The following VPS8 variants were observed in gnomAD, a reference collection of about 807,000 sequenced individuals.
The protein encoded by VPS8 is vacuolar protein sorting-associated protein 8 homolog.
VPS8 carries 129 observed loss-of-function variants against 216.4 expected under a neutral mutation model. The observed-to-expected ratio is 0.60, with a 90% CI of 0.52 to 0.69. The LOEUF is 0.69. Among genes scored for constraint, VPS8 ranks in the 30% least tolerant of loss-of-function variants. The probability of loss-of-function intolerance (pLI) is 0.00; values close to 1 mark genes in which losing one functional copy is unlikely to be tolerated. For synonymous variants in VPS8, 571 were observed against 565.4 expected, an observed-to-expected ratio of 1.01 and a Z score of -0.14; for missense variants, 1,531 against 1,683.5, an observed-to-expected ratio of 0.91 and a Z score of 1.59.
rs532730095 is a variant in VPS8, at chr3:184,850,132, T to C, written c.753+110T>C. ...CAGAGTCCAAAAAATGTATTTAACA[T>C]GAAGCTGAACATTACCTTATAAATA... On this transcript the variant is annotated intron_variant, in intron 10 of 47. Transcript: ENST00000625842. 1.9e-4 allele frequency: 153 copies of C among 821,048 alleles called. No individual in the cohort carries two copies. The African/African-American group carries it at 2.4e-3, about 13-fold the overall frequency. 50.9% of individuals were successfully genotyped at this position (821,048 alleles called of 1,614,324 possible). A position where few individuals can be genotyped will look rare whatever the true frequency, so the allele number is the denominator to read the frequency against.
Position 184,957,477 on chromosome 3 carries a change from A to ACT in VPS8, c.3142_3143dup (p.Gln1049CysfsTer40). 1.9e-6 allele frequency: 3 copies of ACT among 1,612,528 alleles called. No individual in the cohort carries two copies. Among genetic ancestry groups the ACT allele is most frequent in the Non-Finnish European group, 2.5e-6 (3 of 1,179,308 alleles). On this transcript the variant is annotated frameshift_variant, in exon 37 of 48. Transcript: ENST00000625842. LOFTEE classifies it high-confidence loss of function. ...GTTCAACCCAACCCAAGTTATAGAG[A>ACT]CTCTGCAAGTCCTTGAGTGCTACCG...
chr3:184,940,286 A>ATATG, intron 36 of VPS8, 43 bp downstream of exon 36: 1 of 803,586 alleles, frequency 1.2e-6, no homozygotes, highest in Non-Finnish European at 1.7e-6. Flanking sequence ...ATATATATAT[A>ATATG]TATGAGAAAT....
intron 42 of VPS8, among the ~76,000 whole-genome samples, chr3:184,984,183 C>CAAAAAAAAAAAAAAAAAAAAAAAAA (rs1453935100): frequency 0.024 from 68 of 2,886 alleles, 34 homozygotes; most frequent in Non-Finnish European, 0.025. Flanking sequence ...GACTCCGTCT[C>CAAAAAAAAAAAAAAAAAAAAAAAAA]AAAAAAAAAA....
intron 46 of VPS8, among the ~76,000 whole-genome samples, chr3:185,025,996 A>T (rs1757289931): frequency 6.6e-6 from 1 of 152,230 alleles, no homozygotes; most frequent in African/African-American, 2.4e-5. Flanking sequence ...TTTGACATAT[A>T]GTAAGTACTC....
intron 45 of VPS8, among the ~76,000 whole-genome samples, chr3:185,023,799 A>G (rs1756982690): frequency 1.3e-5 from 2 of 152,130 alleles, no homozygotes; most frequent in South Asian, 4.1e-4. Context: ...TTTTTCATTT[A>G]TCTAATCTAA....
chr3:184,879,831 T>G (rs558155682), intron 21 of VPS8, among the ~76,000 whole-genome samples: 1 of 152,330 alleles, frequency 6.6e-6, no homozygotes, highest in South Asian at 2.1e-4. Flanking sequence ...TCTAAGAGAT[T>G]GCCATCAGGG....
At chr3:184,928,583 A>T (rs1740107039) in intron 32 of VPS8, 50 bp downstream of exon 32, 1 of 1,298,736 alleles carries the variant, frequency 7.7e-7, no homozygotes, top group Non-Finnish European at 1.0e-6. Flanking sequence ...ATATTAAATT[A>T]TATTTCTTTA....
Position 184,853,997 on chromosome 3 carries a change from C to A in VPS8, c.962C>A (p.Ala321Glu), listed in dbSNP as rs1233837184. The A allele has an allele frequency of 4.3e-6, 7 of 1,613,494 alleles. No homozygotes were observed. ...ACACAGTTTTCATTATTGGCCATGG[C>A]ATCCTTGACAAAAGTAAGTGTATTT... ...PITQFSLLAM[A>E]SLTKILVIGL... The change falls in exon 12 of 48, where the codon GCA becomes GAA. Residue 321 changes from alanine to glutamate, a missense_variant. Physicochemically the swap from Ala to Glu is moderately radical, Grantham distance 107 (BLOSUM62 -1). Around this residue, in one of 3 missense-constraint regions of VPS8, gnomAD observed 1,318 missense variants for 1,468.4 expected, o/e 0.90. Coordinates refer to ENST00000625842, the MANE Select transcript of VPS8 (RefSeq NM_001009921.3).
At chr3:185,009,899 A>G (rs1398647289) in intron 45 of VPS8, among the ~76,000 whole-genome samples, 1 of 151,176 alleles carries the variant, frequency 6.6e-6, no homozygotes, top group Admixed American at 6.6e-5. Context: ...AGAGGGCTCC[A>G]TAGATCTGCA....
At chr3:185,029,967 T>C (rs567307175) in intron 46 of VPS8, among the ~76,000 whole-genome samples, 2 of 152,374 alleles carry the variant, frequency 1.3e-5, no homozygotes, top group East Asian at 1.9e-4. Context: ...GTATTTACTT[T>C]ATTTAAAATT....
chr3:184,984,913 A>G (rs964874696), intron 42 of VPS8, among the ~76,000 whole-genome samples: 1 of 151,228 alleles, frequency 6.6e-6, no homozygotes, highest in African/African-American at 2.5e-5. Flanking sequence ...AAAATTTTTT[A>G]TATTTCAAGA....
chr3:185,042,014 C>T (rs11914535), intron 46 of VPS8, among the ~76,000 whole-genome samples: 14,432 of 152,134 alleles, frequency 0.095, 1,625 homozygotes, highest in African/African-American at 0.27. Context: ...GCTGACAAGT[C>T]ACAGCCTTGG....
At chr3:184,885,993 A>G (rs1298655860) in intron 21 of VPS8, 117 bp from the exon 22 acceptor site, 1 of 1,123,426 alleles carries the variant, frequency 8.9e-7, no homozygotes, top group Non-Finnish European at 1.3e-6. Context: ...TACCAAAAGC[A>G]TGATATGAAG....
intron 1 of VPS8, among the ~76,000 whole-genome samples, chr3:184,815,376 A>G (rs552088518): frequency 3.8e-4 from 58 of 152,304 alleles, no homozygotes; most frequent in African/African-American, 1.3e-3. Flanking sequence ...TAATGCATTC[A>G]TTACAACAGC....
At chr3:185,009,897 C>CCATA (rs1754765695) in intron 45 of VPS8, among the ~76,000 whole-genome samples, 2 of 150,448 alleles carry the variant, frequency 1.3e-5, no homozygotes, top group Admixed American at 1.3e-4. Flanking sequence ...ACAGAGGGCT[C>CCATA]CATAGATCTG....
intron 5 of VPS8, chr3:184,834,991 G>A: frequency 3.0e-6 from 1 of 331,270 alleles, no homozygotes; most frequent in Non-Finnish European, 5.4e-6. Flanking sequence ...AAATATGGCA[G>A]CAAGCCTAAA....
At chr3:184,986,541 C>G (rs1356675716) in intron 42 of VPS8, among the ~76,000 whole-genome samples, 3 of 152,100 alleles carry the variant, frequency 2.0e-5, no homozygotes, top group Non-Finnish European at 4.4e-5. Context: ...TCCTCTTCCC[C>G]CTTCCAGCAG....
Position 184,894,896 on chromosome 3 carries a change from A to G in VPS8, c.1975A>G (p.Met659Val). 2.5e-6 allele frequency: 4 copies of G among 1,607,692 alleles called. No homozygotes were observed. Among genetic ancestry groups the G allele is most frequent in the Non-Finnish European group, 3.4e-6 (4 of 1,177,414 alleles). The part of the protein sequence containing the change: ...MENVEALIVH[M>V]DITSLDIQQV... ...AAATGTGGAAGCGCTCATTGTACAT[A>G]TGGATATCACCAGCCTAGATATTCA... Residue 659 changes from methionine (M) to valine (V), a missense_variant, in exon 23 of 48, where the codon ATG becomes GTG. This residue lies in a region of VPS8 where 1,318 missense variants were observed against 1,468.4 expected (regional missense o/e 0.90). Coordinates refer to ENST00000625842, the MANE Select transcript of VPS8 (RefSeq NM_001009921.3).
At position 184,843,736 on chromosome 3, in the gene VPS8, GA is replaced by G. The variant is rs1390834276; in HGVS notation, c.541+494del. On this transcript the variant is annotated intron_variant, in intron 8 of 47. Transcript: ENST00000625842. ...CCTTATTTTGTGACAGTTTTGTATA[GA>G]AACTCATCTTTACCAAGTTTTTCTA... 2.0e-5 allele frequency among the ~76,000 whole-genome samples: 3 copies of G among 152,274 alleles called. No homozygotes were observed. The East Asian group carries it at 5.8e-4, about 29-fold the overall frequency.
Sources: gnomAD v4.1 joint callset for allele counts (sites outside exome capture counted in the v4.1 genomes callset) on GRCh38, gnomAD v4.1.1 for gene constraint, gnomAD v4.1.1 regional missense constraint, MANE v1.5 for transcripts, NCBI Gene and HGNC (gene_info 2026-07-23, HGNC 2026-07-21) for gene names.